EFNA5: variants seen among roughly 807,000 people sequenced by gnomAD.
EFNA5 encodes the protein ephrin-A5.
Under a neutral mutation model 22.9 loss-of-function variants are expected in EFNA5, and 5 were observed. The ratio of observed to expected loss-of-function variants is 0.22; its 90% CI spans 0.11 to 0.46. The LOEUF is 0.46. Among genes scored for constraint, EFNA5 ranks in the 20% least tolerant of loss-of-function variants. The pLI is 0.99. For missense variants in EFNA5, 237 were observed against 293.3 expected (o/e 0.81, Z 1.40); for synonymous variants, 113 against 112.2 (o/e 1.01, Z -0.04).
At position 107,666,407 on chromosome 5, in the gene EFNA5, C is replaced by G. The variant is rs1412459329; in HGVS notation, c.125+4082G>C. The stretch of plus-strand genomic sequence containing the variant: ...GACTTGGGAGTGTTGACCTAGAATT[C>G]ACATTACTTTCACAACTCCAAGATT... On this transcript the variant is annotated intron_variant, in intron 1 of 4. Transcript: ENST00000333274. 8.5e-5 allele frequency among the ~76,000 whole-genome samples: 13 copies of G among 152,188 alleles called. No homozygotes were observed. In the East Asian group the frequency reaches 2.5e-3, roughly 29 times the overall value.
chr5:107,550,581 G>A (rs1257248093), intron 1 of EFNA5, among the ~76,000 whole-genome samples: 1 of 152,148 alleles, frequency 6.6e-6, no homozygotes, highest in Non-Finnish European at 1.5e-5. Context: ...TATATGTACT[G>A]TACCTTAATA....
intron 1 of EFNA5, among the ~76,000 whole-genome samples, chr5:107,454,319 C>T (rs571997177): frequency 1.3e-5 from 2 of 152,168 alleles, no homozygotes; most frequent in Admixed American, 6.6e-5. Flanking sequence ...GCTTTTGCTA[C>T]TATTTCATCA....
intron 2 of EFNA5, among the ~76,000 whole-genome samples, chr5:107,396,952 A>G (rs1747942710): frequency 6.6e-6 from 1 of 152,164 alleles, no homozygotes; most frequent in African/African-American, 2.4e-5. Context: ...TGCTTTTGCA[A>G]CTGTATACCC....
intron 1 of EFNA5, among the ~76,000 whole-genome samples, chr5:107,432,074 A>G (rs1349547097): frequency 6.6e-6 from 1 of 152,210 alleles, no homozygotes; most frequent in African/African-American, 2.4e-5. Flanking sequence ...CTGGTCTTCT[A>G]GCAGAGCATT....
At chr5:107,599,269 G>A (rs946527018) in intron 1 of EFNA5, among the ~76,000 whole-genome samples, 1 of 152,188 alleles carries the variant, frequency 6.6e-6, no homozygotes, top group Non-Finnish European at 1.5e-5. Context: ...CAATAAAGTG[G>A]TAGGAAGTTG....
At chr5:107,485,969 G>A (rs531434548) in intron 1 of EFNA5, among the ~76,000 whole-genome samples, 10 of 152,224 alleles carry the variant, frequency 6.6e-5, no homozygotes, top group African/African-American at 2.4e-4. Flanking sequence ...ATATTTAGAT[G>A]CCCTTAAACT....
intron 1 of EFNA5, among the ~76,000 whole-genome samples, chr5:107,534,586 T>C (rs1639837011): frequency 6.6e-6 from 1 of 152,234 alleles, no homozygotes. Context: ...AACATTCTAC[T>C]AGTGTCTCTA....
intron 1 of EFNA5, among the ~76,000 whole-genome samples, chr5:107,652,590 C>T (rs529292892): frequency 2.9e-4 from 44 of 152,258 alleles, no homozygotes; most frequent in African/African-American, 9.4e-4. Context: ...TCACAGAAGA[C>T]TACAAATTTA....
chr5:107,523,219 C>G (rs1479368848), intron 1 of EFNA5, among the ~76,000 whole-genome samples: 1 of 152,096 alleles, frequency 6.6e-6, no homozygotes, highest in African/African-American at 2.4e-5. Flanking sequence ...TCTGGAAGGG[C>G]AGCTATCTTA....
At chr5:107,385,179 G>GA (rs1465851071) in intron 4 of EFNA5, among the ~76,000 whole-genome samples, 1 of 151,692 alleles carries the variant, frequency 6.6e-6, no homozygotes, top group East Asian at 1.9e-4. Context: ...AATGCTTAGT[G>GA]AAAAAAAACC....
At chr5:107,489,503 G>C (rs1005709763) in intron 1 of EFNA5, among the ~76,000 whole-genome samples, 1 of 152,126 alleles carries the variant, frequency 6.6e-6, no homozygotes, top group Non-Finnish European at 1.5e-5. Context: ...AAACTTAACA[G>C]ATTAAAATTT....
intron 4 of EFNA5, among the ~76,000 whole-genome samples, chr5:107,386,947 T>C (rs945474663): frequency 3.9e-5 from 6 of 152,182 alleles, no homozygotes; most frequent in African/African-American, 7.2e-5. Context: ...TCTGAGGATA[T>C]GGTAAAAGGC....
chr5:107,626,052 A>T (rs974624720), intron 1 of EFNA5, among the ~76,000 whole-genome samples: 1 of 152,220 alleles, frequency 6.6e-6, no homozygotes, highest in Admixed American at 6.5e-5. Context: ...ATGACAGATG[A>T]TCACTCACTG....
chr5:107,409,149 T>C (rs78148345), intron 2 of EFNA5, among the ~76,000 whole-genome samples: 2,734 of 152,240 alleles, frequency 0.018, 91 homozygotes, highest in African/African-American at 0.063. Context: ...TCAAAAAGCA[T>C]TGACTAAATA....
intron 2 of EFNA5, among the ~76,000 whole-genome samples, chr5:107,389,437 G>GA (rs1165160775): frequency 6.6e-6 from 1 of 152,144 alleles, no homozygotes; most frequent in African/African-American, 2.4e-5. Context: ...GAGTTAGTGT[G>GA]AAAAAAGTGA....
At chr5:107,547,414 C>T (rs1445063509) in intron 1 of EFNA5, among the ~76,000 whole-genome samples, 1 of 152,018 alleles carries the variant, frequency 6.6e-6, no homozygotes, top group African/African-American at 2.4e-5. Flanking sequence ...GACCACAAGA[C>T]AGGTGTGATG....
At chr5:107,636,745 C>T (rs948706565) in intron 1 of EFNA5, among the ~76,000 whole-genome samples, 1 of 152,140 alleles carries the variant, frequency 6.6e-6, no homozygotes, top group Non-Finnish European at 1.5e-5. Flanking sequence ...TAAAGCTAAA[C>T]CCATGAAAAC....
intron 2 of EFNA5, among the ~76,000 whole-genome samples, chr5:107,410,667 A>G (rs1013735473): frequency 1.6e-4 from 24 of 152,232 alleles, no homozygotes; most frequent in African/African-American, 5.3e-4. Flanking sequence ...AAAGTTTTTC[A>G]GGAAAAAAAA....
chr5:107,448,975 A>G (rs777731527), intron 1 of EFNA5, among the ~76,000 whole-genome samples: 1 of 152,070 alleles, frequency 6.6e-6, no homozygotes, highest in Non-Finnish European at 1.5e-5. Flanking sequence ...GTGGGGGTGA[A>G]GGTCTGAAAG....
Sources: allele counts gnomAD v4.1 joint callset (sites outside exome capture counted in the v4.1 genomes callset), GRCh38; gene constraint gnomAD v4.1.1; transcripts MANE v1.5; gene names NCBI Gene and HGNC (gene_info 2026-07-23, HGNC 2026-07-21).